Variants in TAF2 observed in about 807,000 individuals in gnomAD.
The protein encoded by TAF2 is transcription initiation factor TFIID subunit 2.
TAF2 carries 61 observed loss-of-function variants against 138.5 expected under a neutral mutation model. The ratio of observed to expected loss-of-function variants is 0.44; its 90% CI spans 0.36 to 0.54. TAF2 has a LOEUF of 0.54. TAF2 is among the 20% of genes least tolerant of loss of function. The pLI is 0.00. For missense variants in TAF2, 1,090 were observed against 1,427.9 expected (o/e 0.76, Z 3.81); for synonymous variants, 475 against 469.9 (o/e 1.01, Z -0.14).
In TAF2 at chr8:119,760,645, C is replaced by T. The variant is rs1820999376; in HGVS notation, c.2652G>A (p.Val884=). 6.2e-7 allele frequency: 1 copy of T among 1,613,806 alleles called. No homozygotes were observed. The highest frequency in any genetic ancestry group is 8.5e-7 in the Non-Finnish European group (1 of 1,179,964). Residue 884 remains valine (V), a synonymous_variant, in exon 20 of 26, where the codon GTG becomes GTA. Coordinates refer to ENST00000378164, the MANE Select transcript of TAF2 (RefSeq NM_003184.4). Reference sequence around the variant, plus strand: ...CTTCCAAAGCTGCTATCCTAATGTCCACAAAGTGGCCATATTCAGCATAAG... The same window carrying T: ...CTTCCAAAGCTGCTATCCTAATGTCTACAAAGTGGCCATATTCAGCATAAG... ...FKSYAEYGHF[V]DIRIAALEAV...
chr8:119,786,620 T>TA (rs1823029296), intron 14 of TAF2, among the ~76,000 whole-genome samples: 1 of 152,146 alleles, frequency 6.6e-6, no homozygotes, highest in Non-Finnish European at 1.5e-5. Flanking sequence ...GTTCTCTACC[T>TA]AAAAAATTAG....
intron 3 of TAF2, among the ~76,000 whole-genome samples, chr8:119,818,576 A>C (rs959714342): frequency 2.6e-5 from 4 of 152,306 alleles, no homozygotes; most frequent in South Asian, 4.1e-4. Flanking sequence ...AATGAAAAGT[A>C]AAATAATCAA....
chr8:119,806,474 T>TC, intron 3 of TAF2, 73 bp from the exon 4 acceptor site: 1 of 736,644 alleles, frequency 1.4e-6, no homozygotes, highest in South Asian at 1.9e-5. Flanking sequence ...TCTTTCTTTT[T>TC]TTTTTTTTTT....
At chr8:119,818,628 TTA>T (rs1478128124) in intron 3 of TAF2, among the ~76,000 whole-genome samples, 1 of 152,048 alleles carries the variant, frequency 6.6e-6, no homozygotes, top group Admixed American at 6.6e-5. Flanking sequence ...CACTCACTAC[TTA>T]TGACTGCAAA....
At chr8:119,733,623 C>T (rs978158728) in intron 25 of TAF2, among the ~76,000 whole-genome samples, 1 of 152,128 alleles carries the variant, frequency 6.6e-6, no homozygotes, top group Non-Finnish European at 1.5e-5. Context: ...AATCCTTGGG[C>T]CATACTCTGA....
At chr8:119,771,091 T>C (rs1023701911) in intron 18 of TAF2, among the ~76,000 whole-genome samples, 2 of 151,796 alleles carry the variant, frequency 1.3e-5, no homozygotes, top group Admixed American at 6.6e-5. Flanking sequence ...AGATATAGAA[T>C]GGCATGTTGG....
At chr8:119,744,483 G>A in intron 23 of TAF2, 90 bp from the exon 24 acceptor site, 4 of 1,072,868 alleles carry the variant, frequency 3.7e-6, no homozygotes, top group Non-Finnish European at 4.3e-6. Context: ...TAGCAGAGAG[G>A]CCATAGGATA....
At chr8:119,810,906 TA>T (rs1825008209) in intron 3 of TAF2, among the ~76,000 whole-genome samples, 1 of 152,168 alleles carries the variant, frequency 6.6e-6, no homozygotes, top group African/African-American at 2.4e-5. Flanking sequence ...GTGGTCCAAA[TA>T]AAATGAGTGA....
chr8:119,799,618 G>A (rs1435643252), intron 6 of TAF2, among the ~76,000 whole-genome samples: 2 of 152,188 alleles, frequency 1.3e-5, no homozygotes, highest in Admixed American at 1.3e-4. Context: ...ACACACATGT[G>A]CATCTGTCTT....
chr8:119,827,277 C>G (rs1443176086), intron 2 of TAF2, among the ~76,000 whole-genome samples: 1 of 152,208 alleles, frequency 6.6e-6, no homozygotes, highest in South Asian at 2.1e-4. Flanking sequence ...CCCTGATGCT[C>G]ACTTCCTGCT....
chr8:119,804,830 G>A (rs976829110), intron 4 of TAF2, among the ~76,000 whole-genome samples: 1 of 152,140 alleles, frequency 6.6e-6, no homozygotes, highest in Non-Finnish European at 1.5e-5. Flanking sequence ...GAGAGGTAGA[G>A]TAGGGAACAC....
At chr8:119,809,998 TAAA>T (rs56281726) in intron 3 of TAF2, among the ~76,000 whole-genome samples, 3 of 117,650 alleles carry the variant, frequency 2.5e-5, no homozygotes, top group Middle Eastern at 4.6e-3. Flanking sequence ...CTTCAATTTG[TAAA>T]AAAAAAAAAA....
intron 18 of TAF2, among the ~76,000 whole-genome samples, chr8:119,771,388 A>G (rs1821824853): frequency 1.3e-5 from 2 of 152,064 alleles, no homozygotes; most frequent in South Asian, 4.2e-4. Flanking sequence ...AGCATGTGCG[A>G]CCACACCTGG....
intron 18 of TAF2, among the ~76,000 whole-genome samples, chr8:119,774,456 T>C (rs1822075317): frequency 6.6e-6 from 1 of 150,594 alleles, no homozygotes. Flanking sequence ...AACAAATTCA[T>C]AAACTTCCTT....
intron 3 of TAF2, among the ~76,000 whole-genome samples, chr8:119,813,693 A>G (rs1477497995): frequency 7.2e-5 from 11 of 152,278 alleles, no homozygotes; most frequent in Admixed American, 2.0e-4. Context: ...TAGCCTGAAG[A>G]TAAGAAAACT....
intron 21 of TAF2, among the ~76,000 whole-genome samples, chr8:119,756,863 G>A (rs1820733555): frequency 6.6e-6 from 1 of 152,084 alleles, no homozygotes; most frequent in South Asian, 2.1e-4. Flanking sequence ...ACCATTAAGA[G>A]GCTAGAAAAA....
intron 20 of TAF2, 41 bp downstream of exon 20, chr8:119,760,558 T>C: frequency 6.2e-7 from 1 of 1,604,580 alleles, no homozygotes; most frequent in Non-Finnish European, 8.5e-7. Context: ...AGTAAATAGT[T>C]CTTTCTAAAA....
chr8:119,767,919 C>T (rs1821549883), intron 18 of TAF2, among the ~76,000 whole-genome samples: 1 of 152,148 alleles, frequency 6.6e-6, no homozygotes, highest in African/African-American at 2.4e-5. Context: ...CCACAGGCCA[C>T]CACAGATGCC....
At chr8:119,759,455 G>A (rs146142891) in intron 20 of TAF2, among the ~76,000 whole-genome samples, 1,669 of 152,100 alleles carry the variant, frequency 0.011, 31 homozygotes, top group African/African-American at 0.038. Flanking sequence ...TCCACAGTCA[G>A]ATAAAAGTTT....
Sources: allele counts gnomAD v4.1 joint callset (sites outside exome capture counted in the v4.1 genomes callset), GRCh38; gene constraint gnomAD v4.1.1; transcripts MANE v1.5; gene names NCBI Gene and HGNC (gene_info 2026-07-23, HGNC 2026-07-21).